ATP6V1H: variants seen among roughly 807,000 people sequenced by gnomAD.
The protein encoded by ATP6V1H is V-type proton ATPase subunit H.
A neutral mutation model predicts 71.7 loss-of-function variants in ATP6V1H; 39 were observed. The ratio of observed to expected loss-of-function variants is 0.54; its 90% CI spans 0.42 to 0.71. The LOEUF (loss-of-function observed/expected upper bound fraction) is 0.71, where lower values mean the gene tolerates loss of function less well. Among genes scored for constraint, ATP6V1H ranks in the 30% least tolerant of loss-of-function variants. ATP6V1H has a pLI of 0.00. For synonymous variants in ATP6V1H, 192 were observed against 199.3 expected, an observed-to-expected ratio of 0.96 and a Z score of 0.31; for missense variants, 509 against 594.9, an observed-to-expected ratio of 0.86 and a Z score of 1.50.
At chr8:53,785,281 ATTCAT>A (rs1809332511) in intron 9 of ATP6V1H, among the ~76,000 whole-genome samples, 1 of 152,002 alleles carries the variant, frequency 6.6e-6, no homozygotes, top group South Asian at 2.1e-4. Flanking sequence ...ACTTCATTTC[ATTCAT>A]TTCATCTTCC....
At chr8:53,784,194 C>T (rs548609545) in intron 9 of ATP6V1H, among the ~76,000 whole-genome samples, 26 of 152,298 alleles carry the variant, frequency 1.7e-4, no homozygotes, top group Non-Finnish European at 3.4e-4. Flanking sequence ...TTGTAGGTCA[C>T]TAAGGACTTG....
chr8:53,781,955 A>G (rs1367486081), intron 9 of ATP6V1H, among the ~76,000 whole-genome samples: 11 of 152,182 alleles, frequency 7.2e-5, no homozygotes, highest in Admixed American at 7.2e-4. Flanking sequence ...CTTGTAGTAT[A>G]GTTTGAAGTC....
intron 9 of ATP6V1H, among the ~76,000 whole-genome samples, chr8:53,773,003 T>C (rs868417018): frequency 6.6e-6 from 1 of 150,650 alleles, no homozygotes; most frequent in Non-Finnish European, 1.5e-5. Flanking sequence ...TCCCTAATAA[T>C]AAGGCTGAAC....
chr8:53,753,387 G>T (rs1422332504), intron 12 of ATP6V1H, among the ~76,000 whole-genome samples: 2 of 152,202 alleles, frequency 1.3e-5, no homozygotes, highest in Non-Finnish European at 2.9e-5. Flanking sequence ...AGCATGATGG[G>T]AGAGATCATT....
intron 13 of ATP6V1H, among the ~76,000 whole-genome samples, chr8:53,738,474 G>A (rs897767865): frequency 6.6e-6 from 1 of 151,936 alleles, no homozygotes; most frequent in Non-Finnish European, 1.5e-5. Context: ...CTTTTCTTTC[G>A]TCTACACTTT....
intron 7 of ATP6V1H, among the ~76,000 whole-genome samples, chr8:53,805,457 G>T (rs982662301): frequency 1.3e-5 from 2 of 152,154 alleles, no homozygotes; most frequent in African/African-American, 4.8e-5. Flanking sequence ...AAAGGTGATT[G>T]TATATGTGTG....
At chr8:53,799,388 T>A (rs1227478679) in intron 8 of ATP6V1H, among the ~76,000 whole-genome samples, 2 of 152,210 alleles carry the variant, frequency 1.3e-5, no homozygotes, top group African/African-American at 4.8e-5. Flanking sequence ...TTACCCTTTA[T>A]TGCACTGCCC....
intron 13 of ATP6V1H, among the ~76,000 whole-genome samples, chr8:53,725,312 T>G (rs1806775588): frequency 6.6e-6 from 1 of 152,102 alleles, no homozygotes; most frequent in Admixed American, 6.6e-5. Context: ...ACCGTGGGAC[T>G]CTACAGAGTC....
At chr8:53,824,337 A>C (rs146932345) in intron 4 of ATP6V1H, among the ~76,000 whole-genome samples, 150 of 152,316 alleles carry the variant, frequency 9.8e-4, no homozygotes, top group African/African-American at 3.5e-3. Flanking sequence ...GTTGCAAAGC[A>C]TAGCAAATAA....
intron 6 of ATP6V1H, among the ~76,000 whole-genome samples, chr8:53,812,757 G>A (rs576066743): frequency 3.3e-4 from 51 of 152,266 alleles, no homozygotes; most frequent in African/African-American, 1.1e-3. Context: ...GCAGTGGCAC[G>A]ATCACAGCTC....
chr8:53,759,781 T>C (rs1318141043), intron 11 of ATP6V1H, among the ~76,000 whole-genome samples: 1 of 152,258 alleles, frequency 6.6e-6, no homozygotes, highest in East Asian at 1.9e-4. Flanking sequence ...TCAAAATATA[T>C]ATTTATTTCA....
At chr8:53,785,126 A>G (rs1011761364) in intron 9 of ATP6V1H, among the ~76,000 whole-genome samples, 9 of 151,844 alleles carry the variant, frequency 5.9e-5, no homozygotes, top group African/African-American at 1.2e-4. Context: ...AATATCCTGC[A>G]GAGTGTTTTC....
intron 13 of ATP6V1H, 90 bp downstream of exon 13, chr8:53,743,487 T>C: frequency 2.3e-6 from 2 of 868,428 alleles, no homozygotes; most frequent in Non-Finnish European, 3.7e-6. Flanking sequence ...TTAAAAATGA[T>C]CATTCAAAGC....
intron 7 of ATP6V1H, among the ~76,000 whole-genome samples, chr8:53,808,822 T>C (rs1810179116): frequency 6.6e-6 from 1 of 151,722 alleles, no homozygotes. Flanking sequence ...AAACAAAATG[T>C]TTGTAATGAT....
At chr8:53,826,816 G>A (rs1195154792) in intron 4 of ATP6V1H, among the ~76,000 whole-genome samples, 1 of 151,892 alleles carries the variant, frequency 6.6e-6, no homozygotes, top group East Asian at 1.9e-4. Context: ...AGCCAGGAAT[G>A]ATGCCGGGTG....
At chr8:53,755,726 ATATATATATATATATATATTTTTTTT>A (rs1808019670) in intron 12 of ATP6V1H, among the ~76,000 whole-genome samples, 1 of 5,828 alleles carries the variant, frequency 1.7e-4, no homozygotes, top group South Asian at 6.0e-3. Flanking sequence ...ATATATATAT[ATATATATATATATATATATTTTTTTT>A]TTTTTTTTTT....
chr8:53,732,452 T>C (rs1488772406), intron 13 of ATP6V1H, among the ~76,000 whole-genome samples: 1 of 152,198 alleles, frequency 6.6e-6, no homozygotes, highest in South Asian at 2.1e-4. Context: ...GTGAGAACTC[T>C]CTGTGAATGT....
chr8:53,730,322 A>T (rs553316543), intron 13 of ATP6V1H, among the ~76,000 whole-genome samples: 1 of 152,338 alleles, frequency 6.6e-6, no homozygotes, highest in South Asian at 2.1e-4. Flanking sequence ...GAACAAGAAA[A>T]ACATGTCTAG....
At chr8:53,775,699 G>A (rs1207858140) in intron 9 of ATP6V1H, among the ~76,000 whole-genome samples, 1 of 152,014 alleles carries the variant, frequency 6.6e-6, no homozygotes, top group Non-Finnish European at 1.5e-5. Flanking sequence ...CACCAGAGCA[G>A]CTAGATACAG....
Sources: gnomAD v4.1 joint callset for allele counts (sites outside exome capture counted in the v4.1 genomes callset) on GRCh38, gnomAD v4.1.1 for gene constraint, MANE v1.5 for transcripts, NCBI Gene and HGNC (gene_info 2026-07-23, HGNC 2026-07-21) for gene names.